The following ETV1 variants were observed in gnomAD, a reference collection of about 807,000 sequenced individuals.
ETV1 encodes the protein ETS translocation variant 1.
In ETV1, 27 loss-of-function variants were observed where a neutral mutation model predicts 62.3. That is an observed-to-expected ratio of 0.43 (90% CI 0.32 to 0.60). ETV1 has a LOEUF of 0.60. Among genes scored for constraint, ETV1 ranks in the 20% least tolerant of loss-of-function variants. The pLI is 0.06. For synonymous variants in ETV1, 222 were observed against 199.6 expected, an observed-to-expected ratio of 1.11 and a Z score of -0.94; for missense variants, 605 against 605.8, an observed-to-expected ratio of 1.00 and a Z score of 0.01.
intron 6 of ETV1, among the ~76,000 whole-genome samples, chr7:13,963,921 G>A (rs532509198): frequency 6.6e-6 from 1 of 152,236 alleles, no homozygotes; most frequent in African/African-American, 2.4e-5. Context: ...CCTTTAATCT[G>A]CAATAAAACT....
intron 6 of ETV1, among the ~76,000 whole-genome samples, chr7:13,944,895 G>C (rs1466582012): frequency 4.6e-5 from 7 of 152,120 alleles, no homozygotes; most frequent in Non-Finnish European, 2.9e-5. Flanking sequence ...CAGGGAGACT[G>C]CTACGTGAAA....
intron 5 of ETV1, among the ~76,000 whole-genome samples, chr7:13,981,186 C>A (rs541518846): frequency 1.3e-5 from 2 of 152,090 alleles, no homozygotes; most frequent in Admixed American, 6.6e-5. Flanking sequence ...CCAGTTCTAT[C>A]CACTGTAACA....
intron 4 of ETV1, among the ~76,000 whole-genome samples, chr7:13,987,307 GGAGGGAGA>G (rs1396701225): frequency 1.3e-5 from 2 of 152,020 alleles, no homozygotes; most frequent in Non-Finnish European, 2.9e-5. Context: ...GTCATGTTAG[GGAGGGAGA>G]GAGGGAGGTA....
Position 13,891,443 on chromosome 7 carries a change from A to T in ETV1, c.*4423T>A, listed in dbSNP as rs1295504541. The T allele has an allele frequency of 4.3e-6, 1 of 231,748 alleles. No individual in the cohort carries two copies. Among genetic ancestry groups the T allele is most frequent in the Admixed American group, 5.6e-5 (1 of 17,742 alleles). The allele number at this position is 231,748 out of a possible 1,614,324, so 14.4% of individuals were successfully genotyped here. On this transcript the variant is annotated 3_prime_UTR_variant, in exon 14 of 14. Coordinates refer to ENST00000430479, the MANE Select transcript of ETV1 (RefSeq NM_004956.5). Reference sequence around the variant, plus strand: ...ATATGCAAAAAAGACCCTACCTTACATATGAATCCATAAACAATAGCCACG... The same window carrying T: ...ATATGCAAAAAAGACCCTACCTTACTTATGAATCCATAAACAATAGCCACG...
Position 13,914,784 on chromosome 7 carries a change from A to G in ETV1, c.803-3477T>C, listed in dbSNP as rs147555168. On this transcript the variant is annotated intron_variant, in intron 9 of 13. Transcript: ENST00000430479. ...AATTGCTAGGCACTCTCTGATTTGC[A>G]TATTTGCTGCCTCTATAGCAGAATG... Among the ~76,000 whole-genome samples, 29 of 152,282 alleles carry G rather than the reference A, an allele frequency of 1.9e-4. No individual in the cohort carries two copies. In the East Asian group the frequency reaches 4.8e-3, roughly 25 times the overall value.
At chr7:13,943,744 T>A (rs11981205) in intron 6 of ETV1, among the ~76,000 whole-genome samples, 113,231 of 152,026 alleles carry the variant, frequency 0.74, 42,367 homozygotes, top group East Asian at 0.93. Flanking sequence ...TACGGAAATA[T>A]ATCTTGCTGG....
intron 9 of ETV1, among the ~76,000 whole-genome samples, chr7:13,930,622 G>C (rs1192787991): frequency 6.6e-6 from 1 of 151,350 alleles, no homozygotes; most frequent in Non-Finnish European, 1.5e-5. Context: ...GACTGGAAAA[G>C]ATTTTAAACC....
Position 13,986,683 on chromosome 7 carries a change from G to C in ETV1, c.136C>G (p.Leu46Val). The C allele has an allele frequency of 6.2e-7, 1 of 1,608,144 alleles. No individual in the cohort carries two copies. The highest frequency in any genetic ancestry group is 8.5e-7 in the Non-Finnish European group (1 of 1,177,518). ...TGTAATTGACTTAGATCTTGAAAGAGTTCTAAAAAACAAGTCAAAGACATA... is the reference window on the plus strand; with the variant it reads ...TGTAATTGACTTAGATCTTGAAAGACTTCTAAAAAACAAGTCAAAGACATA... The part of the protein sequence containing the change: ...NRDLAHDSEE[L>V]FQDLSQLQET... Residue 46 changes from leucine to valine, a missense_variant and splice_region_variant, in exon 5 of 14, where the codon CTC (leucine) becomes GTC (valine). Around this residue, in one of 3 missense-constraint regions of ETV1, gnomAD observed 426 missense variants for 377.8 expected, o/e 1.13. Transcript: ENST00000430479.
chr7:13,979,624 TG>T (rs2128504278), intron 5 of ETV1, among the ~76,000 whole-genome samples: 1 of 152,252 alleles, frequency 6.6e-6, no homozygotes, highest in African/African-American at 2.4e-5. Context: ...ATCATTGTTT[TG>T]GTTTTCCCTC....
chr7:13,986,311 G>A (rs540192368), intron 5 of ETV1: 24 of 1,502,714 alleles, frequency 1.6e-5, no homozygotes, highest in Non-Finnish European at 1.8e-5. Context: ...GTCTCTGGAG[G>A]TACAATAATA....
chr7:13,926,269 T>C (rs1186722948), intron 9 of ETV1, among the ~76,000 whole-genome samples: 1 of 152,166 alleles, frequency 6.6e-6, no homozygotes, highest in African/African-American at 2.4e-5. Flanking sequence ...GTGCTGATAT[T>C]CTCTAAAGTC....
chr7:13,977,622 A>C, intron 5 of ETV1, 142 bp from the exon 6 acceptor site: 1 of 630,310 alleles, frequency 1.6e-6, no homozygotes, highest in Non-Finnish European at 2.8e-6. Flanking sequence ...CCTATTTAAA[A>C]TGGTATTGAC....
At chr7:13,941,154 T>C (rs1787457764) in intron 6 of ETV1, among the ~76,000 whole-genome samples, 1 of 152,178 alleles carries the variant, frequency 6.6e-6, no homozygotes, top group Non-Finnish European at 1.5e-5. Flanking sequence ...CTAATTCTTC[T>C]GAAAGAAAAG....
chr7:13,919,570 A>ACACG, intron 9 of ETV1, among the ~76,000 whole-genome samples: 1 of 134,286 alleles, frequency 7.4e-6, no homozygotes, highest in African/African-American at 3.0e-5. Flanking sequence ...AACCATACAC[A>ACACG]CACACACACA....
chr7:13,961,212 G>C (rs1790131571), intron 6 of ETV1, among the ~76,000 whole-genome samples: 1 of 152,044 alleles, frequency 6.6e-6, no homozygotes, highest in Non-Finnish European at 1.5e-5. Flanking sequence ...ACTAATATTT[G>C]TGAAATACTT....
At chr7:13,984,812 G>A (rs1354518837) in intron 5 of ETV1, among the ~76,000 whole-genome samples, 10 of 151,800 alleles carry the variant, frequency 6.6e-5, no homozygotes. Context: ...TGATTTACAG[G>A]TATGTTAATA....
chr7:13,936,607 C>T (rs1203956736), intron 7 of ETV1, among the ~76,000 whole-genome samples: 1 of 152,162 alleles, frequency 6.6e-6, no homozygotes, highest in Non-Finnish European at 1.5e-5. Flanking sequence ...CTTGATTTTA[C>T]ATTATGATTT....
At chr7:13,944,218 G>C (rs1446635892) in intron 6 of ETV1, among the ~76,000 whole-genome samples, 2 of 152,172 alleles carry the variant, frequency 1.3e-5, no homozygotes, top group African/African-American at 4.8e-5. Flanking sequence ...GTCTTAGTCT[G>C]TTTAGGCTGC....
At chr7:13,967,215 C>A (rs1349767310) in intron 6 of ETV1, among the ~76,000 whole-genome samples, 1 of 151,960 alleles carries the variant, frequency 6.6e-6, no homozygotes, top group South Asian at 2.1e-4. Context: ...ATTAAAGGGT[C>A]CATCACAACT....
Sources: gnomAD v4.1 joint callset for allele counts (sites outside exome capture counted in the v4.1 genomes callset) on GRCh38, gnomAD v4.1.1 for gene constraint, gnomAD v4.1.1 regional missense constraint, MANE v1.5 for transcripts, NCBI Gene and HGNC (gene_info 2026-07-23, HGNC 2026-07-21) for gene names.